TVP23C: variants seen among roughly 807,000 people sequenced by gnomAD.
The protein encoded by TVP23C is Golgi apparatus membrane protein TVP23 homolog C.
Under a neutral mutation model 28.7 loss-of-function variants are expected in TVP23C, and 19 were observed. The observed-to-expected ratio is 0.66, with a 90% CI of 0.46 to 0.97. TVP23C has a LOEUF of 0.97. Ranked by LOEUF, TVP23C falls within the 50% of genes least tolerant of loss-of-function variation. TVP23C has a pLI of 0.00. For synonymous variants in TVP23C, 68 were observed against 81.7 expected, an observed-to-expected ratio of 0.83 and a Z score of 0.90; for missense variants, 186 against 241.3, an observed-to-expected ratio of 0.77 and a Z score of 1.52.
chr17:15,507,240 G>A, intron 5 of TVP23C: 1 of 736,844 alleles, frequency 1.4e-6, no homozygotes, highest in Non-Finnish European at 2.5e-6. Flanking sequence ...GAAGCAGGTG[G>A]TCTCTGGCAA....
At chr17:15,526,404 A>G (rs1479201208) in intron 5 of TVP23C, among the ~76,000 whole-genome samples, 2 of 152,114 alleles carry the variant, frequency 1.3e-5, no homozygotes, top group African/African-American at 2.4e-5. Context: ...CAGTTTCCTC[A>G]CTTGTTAAAT....
chr17:15,509,364 G>A (rs568860174), intron 5 of TVP23C, among the ~76,000 whole-genome samples: 8 of 152,202 alleles, frequency 5.3e-5, no homozygotes, highest in Non-Finnish European at 1.0e-4. Context: ...GATGCACTTG[G>A]GAGGCCTGGA....
chr17:15,514,778 C>T (rs1260659237), intron 5 of TVP23C, among the ~76,000 whole-genome samples: 10 of 152,154 alleles, frequency 6.6e-5, no homozygotes, highest in African/African-American at 2.2e-4. Flanking sequence ...TCTCCTGTTA[C>T]AAGGGCTACT....
intron 1 of TVP23C, among the ~76,000 whole-genome samples, chr17:15,559,869 C>A (rs555705885): frequency 2.7e-5 from 4 of 148,644 alleles, no homozygotes; most frequent in African/African-American, 9.7e-5. Flanking sequence ...TCCTGGCATT[C>A]CAATAATTAG....
chr17:15,503,280 C>A, intron 5 of TVP23C: 1 of 1,444,730 alleles, frequency 6.9e-7, no homozygotes, highest in Non-Finnish European at 9.0e-7. Flanking sequence ...AGTGGCGCGC[C>A]TGTGGTTCCA....
rs1982822637 is a variant in TVP23C at position 15,528,572 on chromosome 17, G to A, written c.462+17213C>T. On this transcript the variant is annotated intron_variant, in intron 5 of 5. Transcript: ENST00000225576. Reference sequence around the variant, plus strand: ...TTCATTTGAGTAGAATGTGTATTCTGCTGTTGTTGGACAGAGTCTCTACAG... The same window carrying A: ...TTCATTTGAGTAGAATGTGTATTCTACTGTTGTTGGACAGAGTCTCTACAG... 2.6e-5 allele frequency among the ~76,000 whole-genome samples: 4 copies of A among 152,084 alleles called. No homozygotes were observed. The South Asian group carries it at 8.3e-4, about 31-fold the overall frequency.
intron 5 of TVP23C, chr17:15,506,908 G>A: frequency 1.0e-6 from 1 of 977,210 alleles, no homozygotes; most frequent in Non-Finnish European, 1.6e-6. Flanking sequence ...CATCAACGGG[G>A]AGCCCTTGGG....
intron 5 of TVP23C, among the ~76,000 whole-genome samples, chr17:15,544,572 AC>A (rs1983559768): frequency 6.6e-6 from 1 of 151,860 alleles, no homozygotes; most frequent in South Asian, 2.1e-4. Context: ...CACTAGAAGG[AC>A]TAAAATAAGA....
rs570228542 is a variant in TVP23C at position 15,539,397 on chromosome 17, G to C, written c.*1015C>G. ...CGGAGGCAGGCGGATCACGAGGTCAGGAGATCGAGACCATCCTGGCTAACA... is the reference window on the plus strand; with the variant it reads ...CGGAGGCAGGCGGATCACGAGGTCACGAGATCGAGACCATCCTGGCTAACA... On this transcript the variant is annotated 3_prime_UTR_variant, in exon 6 of 6. Coordinates refer to ENST00000518321, the MANE Select transcript of TVP23C (RefSeq NM_001135036.2). 1.5e-6 allele frequency: 1 copy of C among 679,408 alleles called. No homozygotes were observed. The highest frequency in any genetic ancestry group is 6.6e-5 in the South Asian group (1 of 15,146). The allele number at this position is 679,408 out of a possible 1,614,324, so 42.1% of individuals were successfully genotyped here.
rs750142114 is a variant in TVP23C at position 15,547,119 on chromosome 17, T to G, written c.270A>C (p.Leu90=). 1 of 1,610,302 alleles carries G rather than the reference T, an allele frequency of 6.2e-7. No homozygotes were observed. Residue 90 remains leucine, a synonymous_variant, in exon 4 of 6, where the codon CTA becomes CTC. Coordinates refer to ENST00000518321, the MANE Select transcript of TVP23C (RefSeq NM_001135036.2). ...CTTCATCAATGTGATTCCACCAACG[T>G]AGGCCAACCATTAGTCTACCTGTGA... ...KNVTGRLMVG[L]RWWNHIDEDG...
intron 5 of TVP23C, among the ~76,000 whole-genome samples, chr17:15,523,011 A>G (rs116892062): frequency 0.051 from 7,761 of 151,888 alleles, 263 homozygotes; most frequent in Non-Finnish European, 0.072. Context: ...TATAGAGCAG[A>G]ATTTTTTTTT....
chr17:15,549,282 T>C (rs928994817), intron 3 of TVP23C, among the ~76,000 whole-genome samples: 4 of 152,156 alleles, frequency 2.6e-5, no homozygotes, highest in Non-Finnish European at 5.9e-5. Context: ...GACTTGGTCA[T>C]TAATTGGATA....
At chr17:15,560,346 G>A (rs1447054484) in intron 1 of TVP23C, among the ~76,000 whole-genome samples, 1 of 149,306 alleles carries the variant, frequency 6.7e-6, no homozygotes, top group Non-Finnish European at 1.5e-5. Flanking sequence ...TTACAGCCAT[G>A]AGCCCTGCGC....
At chr17:15,519,279 A>G (rs998906817) in intron 5 of TVP23C, among the ~76,000 whole-genome samples, 1 of 152,180 alleles carries the variant, frequency 6.6e-6, no homozygotes, top group Non-Finnish European at 1.5e-5. Flanking sequence ...CCTGCCTTCA[A>G]GAAAAGACAC....
intron 3 of TVP23C, among the ~76,000 whole-genome samples, chr17:15,548,757 A>C (rs1384131230): frequency 1.3e-5 from 2 of 152,246 alleles, no homozygotes; most frequent in African/African-American, 2.4e-5. Flanking sequence ...CAAGACCCCC[A>C]GCAGATGCCT....
Position 15,538,222 on chromosome 17 carries a change from C to T in TVP23C, c.*2190G>A. ...CACTTCACACACCATGGACTTGGGG[C>T]CTAGGCCTAGGAAAACATTCTATAT... is the stretch of plus-strand genomic sequence containing the variant. On this transcript the variant is annotated 3_prime_UTR_variant, in exon 6 of 6. Transcript: ENST00000518321. The T allele has an allele frequency of 2.5e-6, 4 of 1,609,966 alleles. No homozygotes were observed. Among genetic ancestry groups the T allele is most frequent in the Non-Finnish European group, 3.4e-6 (4 of 1,178,614 alleles).
intron 5 of TVP23C, among the ~76,000 whole-genome samples, chr17:15,529,754 T>C (rs1982876079): frequency 1.3e-5 from 2 of 152,186 alleles, no homozygotes; most frequent in African/African-American, 4.8e-5. Context: ...AGTGTGCCTC[T>C]TGTAGACAAC....
chr17:15,503,319 C>A (rs1981573325), intron 5 of TVP23C: 3 of 1,416,430 alleles, frequency 2.1e-6, no homozygotes, highest in Non-Finnish European at 2.8e-6. Flanking sequence ...ATGGGAGGAT[C>A]GCTTCAGCCC....
At chr17:15,521,476 C>A (rs1405286486) in intron 5 of TVP23C, among the ~76,000 whole-genome samples, 2 of 152,106 alleles carry the variant, frequency 1.3e-5, no homozygotes, top group East Asian at 1.9e-4. Flanking sequence ...TGCACTCCAG[C>A]CTGGGCAACA....
Sources: gnomAD v4.1 joint callset for allele counts (sites outside exome capture counted in the v4.1 genomes callset) on GRCh38, gnomAD v4.1.1 for gene constraint, MANE v1.5 for transcripts, NCBI Gene and HGNC (gene_info 2026-07-23, HGNC 2026-07-21) for gene names.